Variants in PTPRK observed in about 807,000 individuals in gnomAD.
PTPRK encodes the protein receptor-type tyrosine-protein phosphatase kappa.
In PTPRK, 75 loss-of-function variants were observed where a neutral mutation model predicts 178.0. That is an observed-to-expected ratio of 0.42 (90% CI 0.35 to 0.51). PTPRK has a LOEUF of 0.51. PTPRK is among the 20% of genes least tolerant of loss of function. The pLI, the probability that PTPRK is intolerant of heterozygous loss-of-function variation, is 0.02. For synonymous variants in PTPRK, 637 were observed against 620.6 expected (o/e 1.03, Z -0.39); for missense variants, 1,441 against 1,797.8 (o/e 0.80, Z 3.59).
chr6:128,051,674 G>T (rs554060225), intron 13 of PTPRK, among the ~76,000 whole-genome samples: 2 of 152,088 alleles, frequency 1.3e-5, no homozygotes, highest in African/African-American at 4.8e-5. Flanking sequence ...TCCTCCTACT[G>T]TCTCAAGATG....
At chr6:128,053,606 C>T (rs1467503104) in intron 13 of PTPRK, among the ~76,000 whole-genome samples, 1 of 152,146 alleles carries the variant, frequency 6.6e-6, no homozygotes, top group African/African-American at 2.4e-5. Context: ...AAAACCCCAA[C>T]AGTTCACCTC....
At chr6:128,389,265 T>C (rs957130193) in intron 2 of PTPRK, among the ~76,000 whole-genome samples, 2 of 152,036 alleles carry the variant, frequency 1.3e-5, no homozygotes, top group South Asian at 4.1e-4. Context: ...TTTTAAAGCA[T>C]CTTTTATATG....
chr6:128,071,119 A>G (rs560966640), intron 11 of PTPRK, among the ~76,000 whole-genome samples: 2 of 59,082 alleles, frequency 3.4e-5, no homozygotes, highest in African/African-American at 6.9e-5. Flanking sequence ...TAGAGAGGTT[A>G]AAAAAAAAAC....
At chr6:128,336,002 AT>A (rs1331476509) in intron 2 of PTPRK, among the ~76,000 whole-genome samples, 4 of 152,240 alleles carry the variant, frequency 2.6e-5, no homozygotes. Context: ...CTGGTCAATT[AT>A]GAAATGCCAC....
rs188424643 is a variant in PTPRK, at chr6:127,989,168, T to C, written c.3096+1601A>G. ...GTTTTCCTTATTACTAAGTTCATCATTGATTTTTACAAGACTTGTATGAAC... is the reference window on the plus strand; with the variant it reads ...GTTTTCCTTATTACTAAGTTCATCACTGATTTTTACAAGACTTGTATGAAC... On this transcript the variant is annotated intron_variant, in intron 21 of 29. Coordinates refer to ENST00000368226, the MANE Select transcript of PTPRK (RefSeq NM_002844.4). Among the ~76,000 whole-genome samples the C allele has an allele frequency of 5.3e-3, 812 of 152,232 alleles. 4 individuals are homozygous for C. Among genetic ancestry groups the C allele is most frequent in the African/African-American group, 0.018 (746 of 41,572 alleles).
At chr6:128,282,923 G>A (rs1251587820) in intron 3 of PTPRK, among the ~76,000 whole-genome samples, 1 of 151,304 alleles carries the variant, frequency 6.6e-6, no homozygotes, top group African/African-American at 2.5e-5. Flanking sequence ...GAAAATGAAT[G>A]AGATGGCTGC....
chr6:128,499,855 G>A (rs934263764), intron 1 of PTPRK, among the ~76,000 whole-genome samples: 21 of 152,098 alleles, frequency 1.4e-4, no homozygotes, highest in Non-Finnish European at 2.1e-4. Context: ...TGGTTGGTCT[G>A]GTTTTCTTCC....
chr6:128,191,120 A>G (rs1400813316), intron 6 of PTPRK, among the ~76,000 whole-genome samples: 3 of 152,238 alleles, frequency 2.0e-5, no homozygotes, highest in East Asian at 3.8e-4. Flanking sequence ...GTAAGTAGGT[A>G]GAAAACTTTA....
At chr6:128,076,848 A>T (rs1412658476) in intron 11 of PTPRK, among the ~76,000 whole-genome samples, 1 of 152,058 alleles carries the variant, frequency 6.6e-6, no homozygotes, top group Non-Finnish European at 1.5e-5. Flanking sequence ...GGCTGCAGGC[A>T]TCTCTGATGG....
intron 27 of PTPRK, 73 bp downstream of exon 27, chr6:127,976,584 A>G: frequency 1.3e-6 from 2 of 1,559,198 alleles, no homozygotes; most frequent in Non-Finnish European, 1.8e-6. Context: ...CTGTTGTCTG[A>G]ATAAAATTAT....
At position 128,150,969 on chromosome 6, in the gene PTPRK, C is replaced by T. The variant is rs138711317; in HGVS notation, c.1162+33463G>A. Among the ~76,000 whole-genome samples the T allele has an allele frequency of 6.4e-4, 97 of 151,998 alleles. 1 individual carries two copies. Among genetic ancestry groups the T allele is most frequent in the African/African-American group, 2.2e-3 (90 of 41,458 alleles). ...TTAAAATGTCAGTTATTATTACTGA[C>T]AATAACTCAAATATAGCATATCATG... On this transcript the variant is annotated intron_variant, in intron 7 of 29. Transcript: ENST00000368226.
chr6:128,109,176 A>G (rs1790224150), intron 7 of PTPRK, among the ~76,000 whole-genome samples: 1 of 152,192 alleles, frequency 6.6e-6, no homozygotes, highest in South Asian at 2.1e-4. Flanking sequence ...ATGCAAATGA[A>G]CAGCCTCATC....
intron 3 of PTPRK, among the ~76,000 whole-genome samples, chr6:128,244,774 G>C: frequency 6.6e-6 from 1 of 152,324 alleles, no homozygotes; most frequent in South Asian, 2.1e-4. Flanking sequence ...CTAGCAGGAG[G>C]AGGTGAAAAC....
intron 1 of PTPRK, among the ~76,000 whole-genome samples, chr6:128,410,945 G>T (rs1168242235): frequency 6.6e-6 from 1 of 152,180 alleles, no homozygotes; most frequent in Non-Finnish European, 1.5e-5. Flanking sequence ...AGACTGAAGT[G>T]CAGTGGCACG....
chr6:128,146,131 G>C (rs745656588), intron 7 of PTPRK, among the ~76,000 whole-genome samples: 4 of 152,126 alleles, frequency 2.6e-5, no homozygotes, highest in Admixed American at 6.6e-5. Flanking sequence ...GCAGATCCAG[G>C]GTTAGTGGTT....
chr6:128,085,297 G>C (rs1357854704), intron 8 of PTPRK: 1 of 152,188 alleles, frequency 6.6e-6, no homozygotes, highest in Non-Finnish European at 1.5e-5. Flanking sequence ...CCAGACAGAG[G>C]GCCAGTGAGA....
intron 3 of PTPRK, among the ~76,000 whole-genome samples, chr6:128,284,830 A>T (rs867812342): frequency 6.6e-6 from 1 of 152,312 alleles, no homozygotes; most frequent in Middle Eastern, 3.4e-3. Flanking sequence ...TGTCATTCTT[A>T]CTATGCTTGA....
Position 127,977,122 on chromosome 6 carries a change from T to C in PTPRK, c.3712-68A>G, listed in dbSNP as rs1344112013. On this transcript the variant is annotated intron_variant, in intron 25 of 29. Transcript: ENST00000368226. ...ATGTATGATCGGTTGTACAAACAGA[T>C]ACAATACACTTCAATGTAGGACCAG... 1.1e-5 allele frequency: 16 copies of C among 1,479,970 alleles called. No homozygotes were observed. In the Admixed American group the frequency reaches 2.2e-4, roughly 20 times the overall value. 91.7% of individuals were successfully genotyped at this position (1,479,970 alleles called of 1,614,324 possible).
At chr6:128,150,217 A>T (rs947309300) in intron 7 of PTPRK, among the ~76,000 whole-genome samples, 5 of 152,136 alleles carry the variant, frequency 3.3e-5, no homozygotes, top group Non-Finnish European at 5.9e-5. Flanking sequence ...ACAGATCTAT[A>T]ATTACTGCAC....
Sources: gnomAD v4.1 joint callset for allele counts (sites outside exome capture counted in the v4.1 genomes callset) on GRCh38, gnomAD v4.1.1 for gene constraint, MANE v1.5 for transcripts, NCBI Gene and HGNC (gene_info 2026-07-23, HGNC 2026-07-21) for gene names.